The following PPM1H variants were observed in gnomAD, a reference collection of about 807,000 sequenced individuals.
The protein encoded by PPM1H is protein phosphatase 1H.
A neutral mutation model predicts 54.9 loss-of-function variants in PPM1H; 27 were observed. The ratio of observed to expected loss-of-function variants is 0.49; its 90% CI spans 0.36 to 0.68. The LOEUF is 0.68. Among genes scored for constraint, PPM1H ranks in the 30% least tolerant of loss-of-function variants. PPM1H has a pLI of 0.00. For missense variants in PPM1H, 596 were observed against 667.8 expected (o/e 0.89, Z 1.19); for synonymous variants, 305 against 270.8 (o/e 1.13, Z -1.24).
In PPM1H at chr12:62,801,901, G is replaced by A. The variant is rs780498734; in HGVS notation, c.671C>T (p.Thr224Met). 53 of 1,613,740 alleles carry A rather than the reference G, an allele frequency of 3.3e-5. 1 individual carries two copies. In the South Asian group the frequency reaches 3.7e-4, roughly 11 times the overall value. The change falls in exon 3 of 10, where the codon ACG becomes ATG. Residue 224 changes from threonine (T) to methionine (M), a missense_variant. Physicochemically the swap from Thr to Met is moderately conservative, Grantham distance 81 (BLOSUM62 -1). Around this residue, in one of 3 missense-constraint regions of PPM1H, gnomAD observed 382 missense variants for 387.1 expected, o/e 0.99. Coordinates refer to ENST00000228705, the MANE Select transcript of PPM1H (RefSeq NM_020700.2). ...CTCGGTAAAGAAGCGTGTGGGGGGC[G>A]TGCTGGGGGAGCCCGGGGCCCCCAC... is the stretch of plus-strand genomic sequence containing the variant. The part of the protein sequence containing the change: ...GGVGAPGSPS[T>M]PPTRFFTEKK...
intron 1 of PPM1H, among the ~76,000 whole-genome samples, chr12:62,860,656 C>T (rs554660634): frequency 4.6e-5 from 7 of 152,246 alleles, no homozygotes; most frequent in South Asian, 2.1e-4. Context: ...GAATCCCTGA[C>T]GCATCTCCTA....
chr12:62,785,101 T>A (rs186590426), intron 4 of PPM1H, among the ~76,000 whole-genome samples: 258 of 152,370 alleles, frequency 1.7e-3, no homozygotes, highest in African/African-American at 5.8e-3. Flanking sequence ...GATTTTTTTT[T>A]AAATGTTTTA....
intron 1 of PPM1H, among the ~76,000 whole-genome samples, chr12:62,880,833 T>A (rs1077402): frequency 0.33 from 50,475 of 152,010 alleles, 9,263 homozygotes; most frequent in East Asian, 0.55. Flanking sequence ...CTACCCCAGA[T>A]GATCCACCGA....
chr12:62,791,542 G>A (rs2076701289), intron 3 of PPM1H, among the ~76,000 whole-genome samples: 1 of 152,190 alleles, frequency 6.6e-6, no homozygotes, highest in African/African-American at 2.4e-5. Flanking sequence ...AAAAGGAACT[G>A]CTCAGCTACA....
intron 6 of PPM1H, among the ~76,000 whole-genome samples, chr12:62,694,309 T>C (rs1052626832): frequency 3.3e-5 from 5 of 152,172 alleles, no homozygotes; most frequent in African/African-American, 7.2e-5. Flanking sequence ...AGCAACAGTA[T>C]TCTCATCACG....
rs1180569777 is a variant in PPM1H, at chr12:62,830,473, T to C, written c.411+1641A>G. On this transcript the variant is annotated intron_variant, in intron 2 of 9. Transcript: ENST00000228705. ...GGTGTCACTGTGTTAGCCAGGATGGTCTCGATCTCCTGACCTCGTGATCTG... is the reference window on the plus strand; with the variant it reads ...GGTGTCACTGTGTTAGCCAGGATGGCCTCGATCTCCTGACCTCGTGATCTG... Among the ~76,000 whole-genome samples the C allele has an allele frequency of 3.3e-5, 5 of 152,266 alleles. No individual in the cohort carries two copies. In the East Asian group the frequency reaches 9.7e-4, roughly 30 times the overall value.
chr12:62,897,249 TA>T (rs145205676), intron 1 of PPM1H, among the ~76,000 whole-genome samples: 3,378 of 151,456 alleles, frequency 0.022, 154 homozygotes, highest in African/African-American at 0.077. Context: ...TAAAGTATAA[TA>T]AAAAAAAATT....
At chr12:62,892,065 C>G (rs116547807) in intron 1 of PPM1H, among the ~76,000 whole-genome samples, 1,540 of 152,338 alleles carry the variant, frequency 0.01, 28 homozygotes, top group African/African-American at 0.035. Context: ...AAACTTTTCA[C>G]AGCCTCTGCT....
At chr12:62,781,296 A>C (rs750345592) in intron 4 of PPM1H, among the ~76,000 whole-genome samples, 1 of 152,208 alleles carries the variant, frequency 6.6e-6, no homozygotes, top group Non-Finnish European at 1.5e-5. Flanking sequence ...GCAGAAAGGA[A>C]TCTGCAGTCA....
At chr12:62,831,989 T>C in intron 2 of PPM1H, 125 bp downstream of exon 2, 1 of 1,171,404 alleles carries the variant, frequency 8.5e-7, no homozygotes, top group Non-Finnish European at 1.2e-6. Context: ...GCCACCCCAC[T>C]AACTCTGGGG....
chr12:62,901,799 A>C (rs1871168930), intron 1 of PPM1H, among the ~76,000 whole-genome samples: 1 of 152,114 alleles, frequency 6.6e-6, no homozygotes, highest in Non-Finnish European at 1.5e-5. Flanking sequence ...TGCTCCAGGC[A>C]TCCCTGGGGC....
intron 8 of PPM1H, among the ~76,000 whole-genome samples, chr12:62,685,933 G>A (rs1388891633): frequency 1.3e-5 from 2 of 152,176 alleles, no homozygotes; most frequent in Non-Finnish European, 2.9e-5. Context: ...GTCTCACCCA[G>A]ACTAAGTAGT....
chr12:62,840,607 A>C (rs961915999), intron 1 of PPM1H, among the ~76,000 whole-genome samples: 1 of 152,108 alleles, frequency 6.6e-6, no homozygotes, highest in African/African-American at 2.4e-5. Flanking sequence ...GGAAATCAAC[A>C]CTCAGAGAAA....
chr12:62,810,958 A>G (rs2076831730), intron 2 of PPM1H, among the ~76,000 whole-genome samples: 1 of 152,348 alleles, frequency 6.6e-6, no homozygotes, highest in Middle Eastern at 3.4e-3. Context: ...TACAGCAGAA[A>G]ATGAAAATGT....
intron 2 of PPM1H, among the ~76,000 whole-genome samples, chr12:62,829,274 T>C (rs1469627177): frequency 6.6e-6 from 1 of 152,150 alleles, no homozygotes; most frequent in Non-Finnish European, 1.5e-5. Context: ...GGACAAATAG[T>C]GTATGATTCT....
At chr12:62,693,101 C>G (rs1167816186) in intron 7 of PPM1H, among the ~76,000 whole-genome samples, 1 of 152,200 alleles carries the variant, frequency 6.6e-6, no homozygotes, top group East Asian at 1.9e-4. Flanking sequence ...GAATGCTTCA[C>G]ACCGAGTTGA....
chr12:62,713,718 C>T (rs2076220482), intron 6 of PPM1H, among the ~76,000 whole-genome samples: 1 of 152,140 alleles, frequency 6.6e-6, no homozygotes, highest in African/African-American at 2.4e-5. Context: ...CCTGTAATCC[C>T]AGCGCTTTGG....
intron 6 of PPM1H, among the ~76,000 whole-genome samples, chr12:62,712,932 G>A (rs374767770): frequency 2.6e-5 from 4 of 152,316 alleles, no homozygotes; most frequent in South Asian, 2.1e-4. Context: ...AAATGCGGGC[G>A]CAGCTCTGGA....
intron 6 of PPM1H, 141 bp downstream of exon 6, chr12:62,720,030 G>A: frequency 1.5e-6 from 1 of 674,858 alleles, no homozygotes; most frequent in Non-Finnish European, 2.5e-6. Flanking sequence ...GCAGAGGCAG[G>A]TGTACCCCCT....
Sources: gnomAD v4.1 joint callset for allele counts (sites outside exome capture counted in the v4.1 genomes callset) on GRCh38, gnomAD v4.1.1 for gene constraint, gnomAD v4.1.1 regional missense constraint, MANE v1.5 for transcripts, NCBI Gene and HGNC (gene_info 2026-07-23, HGNC 2026-07-21) for gene names.